Variants in ATP11C observed in about 807,000 individuals in gnomAD.
ATP11C encodes phospholipid-transporting ATPase IG.
A neutral mutation model predicts 97.4 loss-of-function variants in ATP11C; 36 were observed. The observed-to-expected ratio is 0.37, with a 90% CI of 0.28 to 0.49. The LOEUF is 0.49. Ranked by LOEUF, ATP11C falls within the 20% of genes least tolerant of loss-of-function variation. The pLI, the probability that ATP11C is intolerant of heterozygous loss-of-function variation, is 0.98. For synonymous variants in ATP11C, 275 were observed against 290.9 expected (o/e 0.95, Z 0.56); for missense variants, 730 against 824.6 (o/e 0.89, Z 1.40).
chrX:139,858,162 C>T (rs1370096767), intron 1 of ATP11C, among the ~76,000 whole-genome samples: 1 of 113,020 alleles, frequency 8.8e-6, no homozygotes. Context: ...CCTTGGGCTT[C>T]CCGGCCTTTG....
At chrX:139,764,987 G>C (rs771544622) in intron 20 of ATP11C, among the ~76,000 whole-genome samples, 3 of 111,887 alleles carry the variant, frequency 2.7e-5, no homozygotes, top group Non-Finnish European at 5.6e-5. Context: ...GTAACGATTT[G>C]CACCTCAAGG....
intron 23 of ATP11C, among the ~76,000 whole-genome samples, chrX:139,752,581 A>T (rs1204058384): frequency 8.9e-6 from 1 of 111,977 alleles, no homozygotes. Flanking sequence ...ACATATTTTA[A>T]AAGGATAATA....
intron 19 of ATP11C, among the ~76,000 whole-genome samples, chrX:139,769,303 T>TATATATATATAC (rs2082205373): frequency 1.4e-5 from 1 of 70,822 alleles, no homozygotes; most frequent in Non-Finnish European, 2.5e-5. Flanking sequence ...TATATATATA[T>TATATATATATAC]ATATATATAT....
intron 7 of ATP11C, 93 bp downstream of exon 7, chrX:139,802,143 G>C: frequency 1.6e-6 from 1 of 617,885 alleles, no homozygotes; most frequent in Non-Finnish European, 2.7e-6. Flanking sequence ...ATGAGAGTAG[G>C]CTGGTAAGTG....
At chrX:139,792,481 C>T (rs946142713) in intron 12 of ATP11C, among the ~76,000 whole-genome samples, 3 of 110,825 alleles carry the variant, frequency 2.7e-5, no homozygotes, top group Non-Finnish European at 3.8e-5. Flanking sequence ...CAGAAGCATA[C>T]GTTACAACCT....
chrX:139,779,871 G>A (rs2082416656), intron 18 of ATP11C, among the ~76,000 whole-genome samples: 1 of 111,495 alleles, frequency 9.0e-6, no homozygotes, highest in Non-Finnish European at 1.9e-5. Flanking sequence ...AATGACAAAG[G>A]TGACATCACA....
At chrX:139,830,001 G>A (rs2083611159) in intron 1 of ATP11C, among the ~76,000 whole-genome samples, 1 of 111,564 alleles carries the variant, frequency 9.0e-6, no homozygotes, top group Non-Finnish European at 1.9e-5. Context: ...TTTGTTCCTT[G>A]GTTGCCTCCA....
rs1366906106 is a variant in ATP11C, at chrX:139,797,097, C to T, written c.1008+79G>A. 6 of 950,265 alleles carry T rather than the reference C, an allele frequency of 6.3e-6. No homozygotes were observed. In the East Asian group the frequency reaches 1.0e-4, roughly 16 times the overall value. The allele number at this position is 950,265 out of a possible 1,213,427, so 78.3% of individuals were successfully genotyped here. Reference sequence around the variant, plus strand: ...AAATTCAGAAGCTAACAAAAGGTGCCGTTTCCCTGAGCAGCATTTCAGTGA... The same window carrying T: ...AAATTCAGAAGCTAACAAAAGGTGCTGTTTCCCTGAGCAGCATTTCAGTGA... On this transcript the variant is annotated intron_variant, in intron 11 of 29. Transcript: ENST00000682941.
Position 139,789,332 on chromosome X carries a change from C to A in ATP11C, c.1363G>T (p.Asp455Tyr). The change falls in exon 13 of 30, where the codon GAT (aspartate) becomes TAT (tyrosine). Residue 455 changes from aspartate (D) to tyrosine (Y), a missense_variant. Asp to Tyr is a radical substitution (Grantham distance 160, BLOSUM62 -3). Transcript: ENST00000682941. ...DGTLTYFDKVDKNREELFLRA... is the reference protein window; with the variant it reads ...DGTLTYFDKVYKNREELFLRA... ...AAACAATAATGCAAATGCACCTTAT[C>A]TACTTTGTCAAAATATGTTAAAGTT... 1 of 1,198,522 alleles carries A rather than the reference C, an allele frequency of 8.3e-7. No individual in the cohort carries two copies.
chrX:139,858,652 A>G (rs1336740665), intron 1 of ATP11C, among the ~76,000 whole-genome samples: 4 of 112,380 alleles, frequency 3.6e-5, no homozygotes, highest in Non-Finnish European at 7.5e-5. Flanking sequence ...TTATTCATTT[A>G]GTCCTCACAA....
chrX:139,786,227 G>C (rs1282347780), intron 15 of ATP11C, among the ~76,000 whole-genome samples: 1 of 111,903 alleles, frequency 8.9e-6, no homozygotes, highest in Non-Finnish European at 1.9e-5. Flanking sequence ...ATTAGAAAAA[G>C]TGAGAGGAAA....
chrX:139,830,510 T>C (rs2083623149), intron 1 of ATP11C, among the ~76,000 whole-genome samples: 1 of 111,938 alleles, frequency 8.9e-6, no homozygotes, highest in African/African-American at 3.2e-5. Context: ...TTATCTCCCA[T>C]CAATTATTCA....
intron 1 of ATP11C, among the ~76,000 whole-genome samples, chrX:139,883,566 C>T (rs1050098564): frequency 2.7e-5 from 3 of 111,006 alleles, no homozygotes; most frequent in Admixed American, 9.7e-5. Flanking sequence ...ATCCAAAGAA[C>T]ATAAACAAAA....
At chrX:139,808,312 G>GA (rs2083089442) in intron 5 of ATP11C, among the ~76,000 whole-genome samples, 1 of 111,403 alleles carries the variant, frequency 9.0e-6, no homozygotes. Flanking sequence ...GAATGAGTCT[G>GA]AAAAAATATT....
At chrX:139,908,059 A>G (rs912184570) in intron 1 of ATP11C, among the ~76,000 whole-genome samples, 1 of 111,401 alleles carries the variant, frequency 9.0e-6, no homozygotes, top group Admixed American at 9.6e-5. Flanking sequence ...CCCCATCTCC[A>G]GATCACCTTC....
At chrX:139,755,188 C>A (rs928734014) in intron 23 of ATP11C, among the ~76,000 whole-genome samples, 1 of 111,697 alleles carries the variant, frequency 9.0e-6, no homozygotes, top group Admixed American at 9.5e-5. Context: ...TATACACCAA[C>A]AACATCCAAG....
At chrX:139,750,277 G>A in intron 23 of ATP11C, 125 bp from the exon 24 acceptor site, 1 of 598,277 alleles carries the variant, frequency 1.7e-6, no homozygotes, top group Non-Finnish European at 2.5e-6. Flanking sequence ...TTTTGGTAGT[G>A]GCAAAGGAAT....
At chrX:139,800,013 ACCCCC>A in intron 8 of ATP11C, 42 bp downstream of exon 8, 6 of 397,123 alleles carry the variant, frequency 1.5e-5, no homozygotes, top group Non-Finnish European at 2.8e-5. Context: ...AGAAAAATAG[ACCCCC>A]CCCCCCAACC....
chrX:139,815,668 G>A (rs185950949), intron 4 of ATP11C, among the ~76,000 whole-genome samples: 1 of 111,840 alleles, frequency 8.9e-6, no homozygotes, highest in Non-Finnish European at 1.9e-5. Context: ...AAGATCTAAA[G>A]GATGTTCATG....
Sources: gnomAD v4.1 joint callset for allele counts (sites outside exome capture counted in the v4.1 genomes callset) on GRCh38, gnomAD v4.1.1 for gene constraint, MANE v1.5 for transcripts, NCBI Gene and HGNC (gene_info 2026-07-23, HGNC 2026-07-21) for gene names.